TENT5D: variants seen among roughly 807,000 people sequenced by gnomAD.
The protein encoded by TENT5D is cancer/testis antigen 112.
For synonymous variants in TENT5D, 103 were observed against 100.6 expected (o/e 1.02, Z -0.15); for missense variants, 191 against 287.0 (o/e 0.67, Z 2.42).
intron 1 of TENT5D, among the ~76,000 whole-genome samples, chrX:80,422,342 G>A (rs1218554900): frequency 4.5e-5 from 5 of 111,064 alleles, no homozygotes; most frequent in South Asian, 3.8e-4. Flanking sequence ...GCATGGCAGC[G>A]CATGCCTGTA....
intron 1 of TENT5D, among the ~76,000 whole-genome samples, chrX:80,427,660 T>G (rs1324609344): frequency 8.9e-6 from 1 of 111,913 alleles, no homozygotes; most frequent in Non-Finnish European, 1.9e-5. Context: ...ATCCAGCAGC[T>G]TAGGGTGGAA....
intron 2 of TENT5D, among the ~76,000 whole-genome samples, chrX:80,337,549 C>T (rs1436341389): frequency 9.0e-6 from 1 of 111,224 alleles, no homozygotes; most frequent in Non-Finnish European, 1.9e-5. Context: ...CATAATGTTC[C>T]TCAACCAGGT....
At chrX:80,403,740 A>G (rs1026753984) in intron 3 of TENT5D, among the ~76,000 whole-genome samples, 3 of 111,843 alleles carry the variant, frequency 2.7e-5, no homozygotes, top group African/African-American at 9.8e-5. Flanking sequence ...ACATTGCCAG[A>G]TATCTGCTTG....
At chrX:80,405,687 A>G (rs1307966190) in intron 3 of TENT5D, among the ~76,000 whole-genome samples, 1 of 109,469 alleles carries the variant, frequency 9.1e-6, no homozygotes, top group Non-Finnish European at 1.9e-5. Context: ...AGGGGCGCCC[A>G]CCATTGCCCA....
At chrX:80,410,024 A>G (rs1424430974) in intron 3 of TENT5D, among the ~76,000 whole-genome samples, 1 of 106,624 alleles carries the variant, frequency 9.4e-6, no homozygotes. Context: ...TGGTGCTGGG[A>G]AAACTGGCTA....
At chrX:80,414,384 G>A (rs1931726985) in intron 3 of TENT5D, among the ~76,000 whole-genome samples, 1 of 109,072 alleles carries the variant, frequency 9.2e-6, no homozygotes, top group Admixed American at 9.7e-5. Context: ...TCCCTTCATG[G>A]CCACCAAAAT....
intron 3 of TENT5D, among the ~76,000 whole-genome samples, chrX:80,384,764 A>G (rs1256196179): frequency 9.3e-6 from 1 of 107,098 alleles, no homozygotes; most frequent in Non-Finnish European, 1.9e-5. Context: ...AATCACAAGC[A>G]TTCTTATACA....
intron 3 of TENT5D, among the ~76,000 whole-genome samples, chrX:80,365,878 A>C (rs2147523798): frequency 9.0e-6 from 1 of 110,795 alleles, no homozygotes; most frequent in African/African-American, 3.3e-5. Context: ...TAAATGAGAT[A>C]ATATACTTAA....
chrX:80,388,116 AACCTT>A (rs1268075448), intron 3 of TENT5D, among the ~76,000 whole-genome samples: 1 of 110,087 alleles, frequency 9.1e-6, no homozygotes, highest in Non-Finnish European at 1.9e-5. Context: ...CCTGGGACTC[AACCTT>A]CAGGGCAGTG....
At chrX:80,424,094 T>G (rs933195628) in intron 1 of TENT5D, among the ~76,000 whole-genome samples, 2 of 111,032 alleles carry the variant, frequency 1.8e-5, no homozygotes, top group African/African-American at 6.6e-5. Flanking sequence ...TTTTTTTTTT[T>G]TAGCTACTTT....
chrX:80,416,412 G>A (rs1025573908), upstream of TENT5D, among the ~76,000 whole-genome samples: 9 of 104,531 alleles, frequency 8.6e-5, no homozygotes, highest in Admixed American at 3.1e-4. Flanking sequence ...TCTTCCTAAC[G>A]TTTTGATGTC....
In TENT5D at chrX:80,425,263, T is replaced by C. The variant is rs1371040684; in HGVS notation, c.-142+4700T>C. Among the ~76,000 whole-genome samples the C allele has an allele frequency of 2.7e-5, 3 of 112,785 alleles. No homozygotes were observed. In the Admixed American group the frequency reaches 2.8e-4, roughly 11 times the overall value. On this transcript the variant is annotated intron_variant, in intron 1 of 2. Coordinates refer to ENST00000308293, the Ensembl canonical transcript of TENT5D. Reference sequence around the variant, plus strand: ...AGAGAAACAAACATGTTTTACATTTTGCTTTCAGGAGTATACCTCACTTAA... The same window carrying C: ...AGAGAAACAAACATGTTTTACATTTCGCTTTCAGGAGTATACCTCACTTAA...
intron 3 of TENT5D, among the ~76,000 whole-genome samples, chrX:80,357,495 C>T (rs1005471630): frequency 1.8e-5 from 2 of 110,339 alleles, no homozygotes; most frequent in African/African-American, 6.6e-5. Context: ...TTTTGATTTG[C>T]ATTTCTCTGA....
At chrX:80,379,739 T>C (rs1053533281) in intron 3 of TENT5D, among the ~76,000 whole-genome samples, 1 of 111,497 alleles carries the variant, frequency 9.0e-6, no homozygotes, top group South Asian at 3.8e-4. Flanking sequence ...TTCTAGTTTA[T>C]TTGCATAGAG....
At chrX:80,411,420 A>G (rs766829700) in intron 3 of TENT5D, among the ~76,000 whole-genome samples, 1 of 111,805 alleles carries the variant, frequency 8.9e-6, no homozygotes, top group Non-Finnish European at 1.9e-5. Context: ...TATCCTAGAC[A>G]TTCGTCTTTC....
At chrX:80,377,638 A>T (rs758533224) in intron 3 of TENT5D, among the ~76,000 whole-genome samples, 4 of 112,076 alleles carry the variant, frequency 3.6e-5, no homozygotes, top group Admixed American at 1.9e-4. Flanking sequence ...TCTATCATTG[A>T]TGGACATTTG....
intron 3 of TENT5D, among the ~76,000 whole-genome samples, chrX:80,403,783 G>A (rs781138107): frequency 3.6e-5 from 4 of 111,742 alleles, no homozygotes; most frequent in Non-Finnish European, 7.5e-5. Flanking sequence ...GGGTGGATTG[G>A]CCCTTGTAAC....
intron 3 of TENT5D, among the ~76,000 whole-genome samples, chrX:80,371,206 T>G (rs933586980): frequency 1.8e-5 from 2 of 111,952 alleles, no homozygotes; most frequent in African/African-American, 6.5e-5. Context: ...GAGAAATCTT[T>G]TTTTTCTGAG....
chrX:80,363,587 A>G (rs769853959), intron 3 of TENT5D, among the ~76,000 whole-genome samples: 2 of 112,224 alleles, frequency 1.8e-5, no homozygotes, highest in African/African-American at 6.5e-5. Context: ...ATTAATTGCA[A>G]TGTGCCGTAA....
Sources: gnomAD v4.1 joint callset for allele counts (sites outside exome capture counted in the v4.1 genomes callset) on GRCh38, gnomAD v4.1.1 for gene constraint, MANE v1.5 for transcripts, NCBI Gene and HGNC (gene_info 2026-07-23, HGNC 2026-07-21) for gene names.